Variants in TGDS observed in about 807,000 individuals in gnomAD.
TGDS encodes the protein TDP-glucose 4,6-dehydratase.
Under a neutral mutation model 52.3 loss-of-function variants are expected in TGDS, and 47 were observed. The observed-to-expected ratio is 0.90, with a 90% confidence interval of 0.71 to 1.15. TGDS has a LOEUF of 1.15. Ranked by LOEUF, TGDS falls within the 50% of genes most tolerant of loss-of-function variation. TGDS has a pLI of 0.00. For missense variants in TGDS, 375 were observed against 418.4 expected, an observed-to-expected ratio of 0.90 and a Z score of 0.90; for synonymous variants, 115 against 136.9, an observed-to-expected ratio of 0.84 and a Z score of 1.12.
intron 5 of TGDS, among the ~76,000 whole-genome samples, chr13:94,581,896 TA>T (rs1043366968): frequency 6.6e-6 from 1 of 152,214 alleles, no homozygotes; most frequent in Non-Finnish European, 1.5e-5. Flanking sequence ...ATGCATGATT[TA>T]TTTTAAAAAA....
chr13:94,596,198 C>A, upstream of TGDS: 1 of 1,548,198 alleles, frequency 6.5e-7, no homozygotes, highest in South Asian at 1.2e-5. Flanking sequence ...AGGGAAGTTC[C>A]GCCGCGACCT....
At chr13:94,590,987 C>T (rs1217622705) in intron 3 of TGDS, 44 bp from the exon 4 acceptor site, 1 of 1,360,406 alleles carries the variant, frequency 7.4e-7, no homozygotes, top group Middle Eastern at 1.8e-4. Flanking sequence ...TTTCATACAG[C>T]ACTCTCATTC....
chr13:94,579,741 T>A, intron 7 of TGDS, 153 bp downstream of exon 7: 1 of 484,230 alleles, frequency 2.1e-6, no homozygotes, highest in Non-Finnish European at 3.6e-6. Context: ...AAACTCTAAG[T>A]CTGAAGGAAT....
intron 11 of TGDS, among the ~76,000 whole-genome samples, chr13:94,575,063 T>C (rs1432344220): frequency 6.6e-6 from 1 of 152,082 alleles, no homozygotes; most frequent in Non-Finnish European, 1.5e-5. Flanking sequence ...AATTTATGAT[T>C]AAAAATCAAC....
chr13:94,578,023 G>A lies in TGDS; in HGVS notation c.807C>T (p.Ala269=). The A allele has an allele frequency of 6.2e-7, 1 of 1,613,554 alleles. No individual in the cohort carries two copies. Among genetic ancestry groups the A allele is most frequent in the East Asian group, 2.2e-5 (1 of 44,784 alleles). Residue 269 remains alanine (A), a synonymous_variant, in exon 9 of 12, where the codon GCC becomes GCT. Transcript: ENST00000261296. ...TACATACCAGTTGTATTAGTTCTTT[G>A]GCAAGCTGGACAACTGACATTTCAA... ...TNFEMSVVQL[A]KELIQLIKET...
intron 4 of TGDS, among the ~76,000 whole-genome samples, chr13:94,587,950 T>C (rs1211246545): frequency 1.1e-4 from 16 of 142,784 alleles, no homozygotes; most frequent in African/African-American, 4.3e-4. Flanking sequence ...TGAGCCGAGA[T>C]TGCGCCACTG....
chr13:94,595,478 C>T (rs372782088), intron 1 of TGDS, among the ~76,000 whole-genome samples: 3 of 152,076 alleles, frequency 2.0e-5, no homozygotes, highest in East Asian at 3.9e-4. Flanking sequence ...GCTACAGCAG[C>T]AGTCGAGGCA....
At chr13:94,595,874 C>A in intron 1 of TGDS, 177 bp downstream of exon 1, 1 of 686,140 alleles carries the variant, frequency 1.5e-6, no homozygotes, top group South Asian at 1.8e-5. Context: ...TTCAAAGGAA[C>A]CACTTCTTTG....
intron 4 of TGDS, among the ~76,000 whole-genome samples, chr13:94,587,998 C>CAA (rs71111537): frequency 2.0e-4 from 17 of 86,304 alleles, no homozygotes; most frequent in Middle Eastern, 8.2e-3. Context: ...CACTCCATCT[C>CAA]AAAAAAAAAA....
chr13:94,583,225 C>A lies in TGDS; in HGVS notation c.325G>T (p.Val109Leu), dbSNP rs139304427. Residue 109 changes from valine to leucine, a missense_variant, in exon 5 of 12, where the codon GTA becomes TTA. Transcript: ENST00000261296. ...ACATAGGTAAACTCAAAGGCACGTA[C>A]GAATGAAAGATCTAAAAGAAAAGAG... is the stretch of plus-strand genomic sequence containing the variant. ...AAQTHVDLSFVRAFEFTYVNV... is the reference protein window; with the variant it reads ...AAQTHVDLSFLRAFEFTYVNV... 1 of 1,611,888 alleles carries A rather than the reference C, an allele frequency of 6.2e-7. No individual in the cohort carries two copies. The highest frequency in any genetic ancestry group is 8.5e-7 in the Non-Finnish European group (1 of 1,179,462).
chr13:94,582,742 T>C (rs1179679064), intron 5 of TGDS, among the ~76,000 whole-genome samples: 2 of 152,154 alleles, frequency 1.3e-5, no homozygotes, highest in Admixed American at 6.5e-5. Context: ...AAAACATGAA[T>C]AGACTAGACT....
chr13:94,578,146 T>G lies in TGDS; in HGVS notation c.684A>C (p.Gln228His). 6.2e-7 allele frequency: 1 copy of G among 1,613,764 alleles called. No homozygotes were observed. Among genetic ancestry groups the G allele is most frequent in the Non-Finnish European group, 8.5e-7 (1 of 1,179,806 alleles). Residue 228 changes from glutamine to histidine, a missense_variant, in exon 9 of 12, where the codon CAA (glutamine) becomes CAC (histidine). By Grantham distance (24) the Gln-to-His change is conservative. Transcript: ENST00000261296. ...CAGTAGCATAAAGGAAGTTTCTTGTTTGAAGCCCTGACCCATGAATGCAAC... is the reference window on the plus strand; with the variant it reads ...CAGTAGCATAAAGGAAGTTTCTTGTGTGAAGCCCTGACCCATGAATGCAAC... Reference protein sequence around the residue: ...RKCCIHGSGLQTRNFLYATDV... With the variant: ...RKCCIHGSGLHTRNFLYATDV...
intron 4 of TGDS, among the ~76,000 whole-genome samples, chr13:94,589,679 A>G (rs1889124201): frequency 6.6e-6 from 1 of 152,208 alleles, no homozygotes; most frequent in Non-Finnish European, 1.5e-5. Flanking sequence ...AAATCATATG[A>G]AAAGTACTTA....
rs1888779507 is a variant in TGDS at position 94,581,197 on chromosome 13, T to A, written c.457-8A>T. ...TGAAGATTCATCAAATTCCTATTTT[T>A]AAAAATATATATTTAAAAAAGTGTT... is the stretch of plus-strand genomic sequence containing the variant. On this transcript the variant is annotated splice_polypyrimidine_tract_variant and splice_region_variant and intron_variant, in intron 5 of 11. Transcript: ENST00000261296. The A allele has an allele frequency of 1.3e-6, 2 of 1,502,744 alleles. No homozygotes were observed. Among genetic ancestry groups the A allele is most frequent in the Non-Finnish European group, 1.8e-6 (2 of 1,105,272 alleles). 93.1% of individuals were successfully genotyped at this position (1,502,744 alleles called of 1,614,324 possible). A position where few individuals can be genotyped will look rare whatever the true frequency, so the allele number is the denominator to read the frequency against.
At position 94,590,564 on chromosome 13, in the gene TGDS, AAAC is replaced by A. The variant is rs954131691; in HGVS notation, c.313+286_313+288del. ...GCATACCCACAACAAAATTTAAGAA[AAAC>A]AACATAAAAAATACAGTTGACGGCC... On this transcript the variant is annotated intron_variant, in intron 4 of 11. Transcript: ENST00000261296. Among the ~76,000 whole-genome samples the A allele has an allele frequency of 7.2e-4, 110 of 152,230 alleles. 1 individual carries two copies. The highest frequency in any genetic ancestry group is 2.3e-3 in the African/African-American group (96 of 41,466).
intron 3 of TGDS, 131 bp downstream of exon 3, chr13:94,592,110 C>T: frequency 3.4e-6 from 2 of 590,370 alleles, no homozygotes; most frequent in Non-Finnish European, 5.6e-6. Context: ...AAATTAACTA[C>T]CTGATCTTTT....
At chr13:94,584,836 T>C (rs1455227754) in intron 4 of TGDS, among the ~76,000 whole-genome samples, 1 of 152,160 alleles carries the variant, frequency 6.6e-6, no homozygotes, top group Non-Finnish European at 1.5e-5. Context: ...GGTGAGTCAT[T>C]TTGAACATAA....
chr13:94,586,842 G>A (rs1320545095), intron 4 of TGDS, among the ~76,000 whole-genome samples: 6 of 137,878 alleles, frequency 4.4e-5, no homozygotes, highest in Middle Eastern at 4.2e-3. Flanking sequence ...CACTGCAACC[G>A]CCACCTCTTG....
At chr13:94,578,639 G>T in intron 8 of TGDS, 91 bp downstream of exon 8, 1 of 936,066 alleles carries the variant, frequency 1.1e-6, no homozygotes, top group Non-Finnish European at 1.7e-6. Flanking sequence ...CAATTCTATG[G>T]CCTTTAAGAC....
Sources: gnomAD v4.1 joint callset for allele counts (sites outside exome capture counted in the v4.1 genomes callset) on GRCh38, gnomAD v4.1.1 for gene constraint, MANE v1.5 for transcripts, NCBI Gene and HGNC (gene_info 2026-07-23, HGNC 2026-07-21) for gene names.